The following ZNF343 variants were observed in gnomAD, a reference collection of about 807,000 sequenced individuals.
ZNF343 encodes zinc finger protein 343.
ZNF343 carries 11 observed loss-of-function variants against 13.8 expected under a neutral mutation model. That is an observed-to-expected ratio of 0.80 (90% CI 0.50 to 1.32). ZNF343 has a LOEUF of 1.32. ZNF343 is among the 40% of genes most tolerant of loss of function. The pLI is 0.00. For synonymous variants in ZNF343, 248 were observed against 260.0 expected, an observed-to-expected ratio of 0.95 and a Z score of 0.44; for missense variants, 658 against 714.2, an observed-to-expected ratio of 0.92 and a Z score of 0.90.
intron 1 of ZNF343, among the ~76,000 whole-genome samples, chr20:2,504,342 T>G (rs887249580): frequency 1.3e-5 from 2 of 152,170 alleles, no homozygotes; most frequent in Non-Finnish European, 2.9e-5. Flanking sequence ...CAAGACCAGA[T>G]GGATTCACAG....
chr20:2,494,095 C>T (rs2085418297), intron 2 of ZNF343, 51 bp from the exon 3 acceptor site: 1 of 573,702 alleles, frequency 1.7e-6, no homozygotes, highest in African/African-American at 1.9e-5. Context: ...ATTGTGGGCC[C>T]TAGGCCTATG....
At position 2,484,058 on chromosome 20, in the gene ZNF343, C is replaced by T. The variant is rs2085236901; in HGVS notation, c.903G>A (p.Glu301=). 4.3e-6 allele frequency: 7 copies of T among 1,614,238 alleles called. No individual in the cohort carries two copies. Among genetic ancestry groups the T allele is most frequent in the Non-Finnish European group, 5.9e-6 (7 of 1,180,038 alleles). Residue 301 remains glutamate (E), a synonymous_variant, in exon 6 of 6, where the codon GAG becomes GAA. Coordinates refer to ENST00000278772, the MANE Select transcript of ZNF343 (RefSeq NM_024325.6). ...ACTTCTGGCTAAAACCTCGCCCGCACTCACTGCACACATAAGGCTTCTCCA... is the reference window on the plus strand; with the variant it reads ...ACTTCTGGCTAAAACCTCGCCCGCATTCACTGCACACATAAGGCTTCTCCA... ...HSMEKPYVCS[E]CGRGFSQKSN... is the part of the protein sequence containing the mutation.
chr20:2,486,881 G>T lies in ZNF343; in HGVS notation c.305-2225C>A, dbSNP rs190406570. On this transcript the variant is annotated intron_variant, in intron 5 of 5. Transcript: ENST00000278772. ...GTTCATGCACTTCTTTGTCAATAGAGAAGGAGTTGGCCAATTTTTTCTGTA... is the reference window on the plus strand; with the variant it reads ...GTTCATGCACTTCTTTGTCAATAGATAAGGAGTTGGCCAATTTTTTCTGTA... The T allele has an allele frequency of 3.3e-5, 5 of 152,194 alleles. 1 individual carries two copies. The East Asian group carries it at 9.7e-4, about 29-fold the overall frequency. The allele number at this position is 152,194 out of a possible 1,614,324, so 9.4% of individuals were successfully genotyped here.
At chr20:2,499,741 C>T (rs1040326873) in intron 2 of ZNF343, among the ~76,000 whole-genome samples, 1 of 152,070 alleles carries the variant, frequency 6.6e-6, no homozygotes, top group Non-Finnish European at 1.5e-5. Flanking sequence ...CTCAGAGCTC[C>T]GGCTGGTGAC....
At chr20:2,492,602 G>T in intron 5 of ZNF343, 97 bp downstream of exon 5, 1 of 1,438,720 alleles carries the variant, frequency 7.0e-7, no homozygotes, top group Non-Finnish European at 9.5e-7. Context: ...GTTTACTAAT[G>T]TGTTGTAAGT....
In ZNF343 at chr20:2,482,994, C is replaced by T. The variant is rs1032642995; in HGVS notation, c.*167G>A. The T allele has an allele frequency of 1.3e-6, 1 of 798,884 alleles. No homozygotes were observed. Among genetic ancestry groups the T allele is most frequent in the Non-Finnish European group, 1.9e-6 (1 of 515,360 alleles). 49.5% of individuals were successfully genotyped at this position (798,884 alleles called of 1,614,324 possible). A position where few individuals can be genotyped will look rare whatever the true frequency, so the allele number is the denominator to read the frequency against. ...TACTCTATACTCATAAGGCTCCTCTCCTGAACGTGTCCCTCCCATGCCTGA... is the reference window on the plus strand; with the variant it reads ...TACTCTATACTCATAAGGCTCCTCTTCTGAACGTGTCCCTCCCATGCCTGA... On this transcript the variant is annotated 3_prime_UTR_variant, in exon 6 of 6. Coordinates refer to ENST00000278772, the MANE Select transcript of ZNF343 (RefSeq NM_024325.6).
At chr20:2,514,884 G>C (rs1380728728) in intron 1 of ZNF343, among the ~76,000 whole-genome samples, 1 of 152,054 alleles carries the variant, frequency 6.6e-6, no homozygotes, top group Non-Finnish European at 1.5e-5. Context: ...AGCTACTCAA[G>C]AGGCTGAGGC....
At chr20:2,516,013 G>A (rs551434840) in intron 1 of ZNF343, among the ~76,000 whole-genome samples, 2 of 152,072 alleles carry the variant, frequency 1.3e-5, no homozygotes, top group Non-Finnish European at 2.9e-5. Flanking sequence ...GAGGGTGAAT[G>A]TCAGGGCCAG....
chr20:2,517,765 C>T (rs956699660), intron 1 of ZNF343, among the ~76,000 whole-genome samples: 17 of 151,890 alleles, frequency 1.1e-4, no homozygotes, highest in Non-Finnish European at 1.5e-4. Context: ...CCTCAGCCTC[C>T]CAAAGTGCTG....
intron 2 of ZNF343, 102 bp downstream of exon 2, chr20:2,500,554 G>A (rs1354297300): frequency 6.6e-6 from 1 of 152,166 alleles, no homozygotes; most frequent in Non-Finnish European, 1.5e-5. Context: ...AGCCTCAATT[G>A]GAACACTTCA....
At position 2,493,538 on chromosome 20, in the gene ZNF343, T is replaced by C; in HGVS notation, c.158A>G (p.Glu53Gly). 1 of 1,612,804 alleles carries C rather than the reference T, an allele frequency of 6.2e-7. No individual in the cohort carries two copies. Among genetic ancestry groups the C allele is most frequent in the Non-Finnish European group, 8.5e-7 (1 of 1,179,754 alleles). Residue 53 changes from glutamate to glycine, a missense_variant, in exon 4 of 6, where the codon GAG (glutamate) becomes GGG (glycine). By Grantham distance (98) the Glu-to-Gly change is moderately conservative. Transcript: ENST00000278772. The stretch of plus-strand genomic sequence containing the variant: ...ACTCACCACTATTTGGGCCTTTCCC[T>C]CCTTTTTCTGGGGGCAGTCAGTATC... Reference protein sequence around the residue: ...SNDTDCPQKKEGKAQIVVPVT... With the variant: ...SNDTDCPQKKGGKAQIVVPVT...
intron 1 of ZNF343, among the ~76,000 whole-genome samples, chr20:2,504,863 C>G (rs1018745022): frequency 1.2e-3 from 182 of 152,268 alleles, no homozygotes; most frequent in African/African-American, 4.2e-3. Context: ...TGGGCAAAAA[C>G]TGGAAGCATT....
intron 1 of ZNF343, among the ~76,000 whole-genome samples, chr20:2,502,198 G>GA (rs1320366642): frequency 6.6e-6 from 1 of 152,204 alleles, no homozygotes; most frequent in Non-Finnish European, 1.5e-5. Context: ...TGATCAACTG[G>GA]AAGAAAGGGT....
intron 2 of ZNF343, among the ~76,000 whole-genome samples, chr20:2,499,190 G>A (rs112836374): frequency 4.5e-4 from 66 of 146,292 alleles, no homozygotes; most frequent in African/African-American, 1.5e-3. Flanking sequence ...CCTCTTCCGG[G>A]CGCGGTGGCT....
chr20:2,516,249 A>G (rs1055037728), intron 1 of ZNF343, among the ~76,000 whole-genome samples: 3 of 152,008 alleles, frequency 2.0e-5, no homozygotes, highest in Admixed American at 6.6e-5. Flanking sequence ...TGTAATCCCA[A>G]CTACTCAGGA....
At position 2,490,223 on chromosome 20, in the gene ZNF343, G is replaced by C. The variant is rs180961987; in HGVS notation, c.304+2476C>G. ...ATAGATAATGGCTTCATTATAATGT[G>C]TGATGGGGAAACTCATTCAAGTTCT... On this transcript the variant is annotated intron_variant, in intron 5 of 5. Transcript: ENST00000278772. Among the ~76,000 whole-genome samples the C allele has an allele frequency of 1.8e-4, 27 of 152,252 alleles. No homozygotes were observed. In the East Asian group the frequency reaches 5.2e-3, roughly 29 times the overall value.
chr20:2,490,551 T>G (rs2085351622), intron 5 of ZNF343, among the ~76,000 whole-genome samples: 1 of 151,538 alleles, frequency 6.6e-6, no homozygotes, highest in East Asian at 1.9e-4. Flanking sequence ...TTGTTTTTTT[T>G]TTTGAGATGG....
At chr20:2,501,243 C>T (rs6114614) in intron 1 of ZNF343, among the ~76,000 whole-genome samples, 2,210 of 152,236 alleles carry the variant, frequency 0.015, 55 homozygotes, top group African/African-American at 0.047. Context: ...AACTGCAAGG[C>T]GGCAGCGAGG....
In ZNF343 at chr20:2,514,896, C is replaced by T. The variant is rs575428183; in HGVS notation, c.-347+9559G>A. On this transcript the variant is annotated intron_variant, in intron 1 of 6. Coordinates refer to the ZNF343 transcript ENST00000358413. ...CCCAGCTACTCAAGAGGCTGAGGCA[C>T]GAGAATTGCTTGAACTCAGGAGGCG... 4.6e-5 allele frequency among the ~76,000 whole-genome samples: 7 copies of T among 151,576 alleles called. No homozygotes were observed. The South Asian group carries it at 1.2e-3, about 27-fold the overall frequency.
Sources: gnomAD v4.1 joint callset for allele counts (sites outside exome capture counted in the v4.1 genomes callset) on GRCh38, gnomAD v4.1.1 for gene constraint, MANE v1.5 for transcripts, NCBI Gene and HGNC (gene_info 2026-07-23, HGNC 2026-07-21) for gene names.